PCDHGA10: variants seen among roughly 807,000 people sequenced by gnomAD.
PCDHGA10 encodes protocadherin gamma subfamily A, 10, also known as protocadherin gamma-A10.
A neutral mutation model predicts 59.5 loss-of-function variants in PCDHGA10; 42 were observed. That is an observed-to-expected ratio of 0.71 (90% CI 0.55 to 0.91). The LOEUF (loss-of-function observed/expected upper bound fraction) is 0.91. Among genes scored for constraint, PCDHGA10 ranks in the 40% least tolerant of loss-of-function variants. The pLI, the probability that PCDHGA10 is intolerant of heterozygous loss-of-function variation, is 0.00. For synonymous variants in PCDHGA10, 511 were observed against 517.2 expected, an observed-to-expected ratio of 0.99 and a Z score of 0.16; for missense variants, 1,111 against 1,198.2, an observed-to-expected ratio of 0.93 and a Z score of 1.07.
chr5:141,429,697 C>T (rs2097236349), intron 1 of PCDHGA10, among the ~76,000 whole-genome samples: 1 of 152,134 alleles, frequency 6.6e-6, no homozygotes, highest in African/African-American at 2.4e-5. Context: ...AATATCTTTA[C>T]AGTATAAATA....
intron 1 of PCDHGA10, among the ~76,000 whole-genome samples, chr5:141,463,641 C>T (rs182957065): frequency 2.0e-5 from 3 of 151,734 alleles, no homozygotes; most frequent in African/African-American, 7.2e-5. Context: ...TTAGTAGAGA[C>T]GGGGTTTCAC....
intron 3 of PCDHGA10, among the ~76,000 whole-genome samples, chr5:141,510,415 C>G (rs2099881071): frequency 6.6e-6 from 1 of 152,082 alleles, no homozygotes; most frequent in Admixed American, 6.5e-5. Flanking sequence ...GCATGTAAAG[C>G]CATGGTTTCA....
In PCDHGA10 at chr5:141,487,761, C is replaced by T. The variant is rs1331182183; in HGVS notation, c.2437-7046C>T. Reference sequence around the variant, plus strand: ...GTAAGAGGTAACTATGTGGTAGACGCTGTGCTTTGTAACTGTTTCGTGAAT... The same window carrying T: ...GTAAGAGGTAACTATGTGGTAGACGTTGTGCTTTGTAACTGTTTCGTGAAT... On this transcript the variant is annotated intron_variant, in intron 1 of 3. Coordinates refer to ENST00000398610, the MANE Select transcript of PCDHGA10 (RefSeq NM_018913.3). The surrounding 1 kb of genome is among the most constrained non-coding windows in gnomAD (Gnocchi z 5.0). 3.2e-6 allele frequency: 5 copies of T among 1,545,926 alleles called. No individual in the cohort carries two copies. Among genetic ancestry groups the T allele is most frequent in the South Asian group, 1.2e-5 (1 of 83,534 alleles).
chr5:141,418,157 A>G, intron 1 of PCDHGA10: 1 of 1,614,074 alleles, frequency 6.2e-7, no homozygotes, highest in Non-Finnish European at 8.5e-7. Context: ...CAAAGAGAGA[A>G]GAAGATGTGA....
At position 141,461,820 on chromosome 5, in the gene PCDHGA10, AT is replaced by A. The variant is rs1458631685; in HGVS notation, c.2437-32978del. Among the ~76,000 whole-genome samples the A allele has an allele frequency of 8.1e-5, 12 of 147,918 alleles. 1 individual carries two copies. In the South Asian group the frequency reaches 1.3e-3, roughly 16 times the overall value. On this transcript the variant is annotated intron_variant, in intron 1 of 3. Transcript: ENST00000398610. ...AGGTGCCCACCACCACACCCAGCTAATTTTTTTTTCTTTTTTTTTTGAGACA... is the reference window on the plus strand; with the variant it reads ...AGGTGCCCACCACCACACCCAGCTAATTTTTTTTCTTTTTTTTTTGAGACA...
intron 1 of PCDHGA10, chr5:141,422,654 C>T: frequency 1.2e-6 from 2 of 1,610,030 alleles, no homozygotes; most frequent in Non-Finnish European, 1.7e-6. Flanking sequence ...TTCTCAGTGA[C>T]CGCCCTCGAC....
intron 1 of PCDHGA10, among the ~76,000 whole-genome samples, chr5:141,467,359 A>G (rs997614051): frequency 1.3e-5 from 2 of 151,714 alleles, no homozygotes; most frequent in African/African-American, 4.8e-5. Context: ...GGCCAAATCA[A>G]CGTTTTCTTA....
intron 1 of PCDHGA10, chr5:141,427,865 G>T: frequency 6.4e-7 from 1 of 1,558,148 alleles, no homozygotes; most frequent in Non-Finnish European, 8.8e-7. Context: ...GCGCCTTCGA[G>T]CTCACGATGC....
intron 1 of PCDHGA10, among the ~76,000 whole-genome samples, chr5:141,482,884 C>A (rs2099574053): frequency 6.6e-6 from 1 of 152,116 alleles, no homozygotes; most frequent in Non-Finnish European, 1.5e-5. Flanking sequence ...CCAGCCTGGC[C>A]AACATGGTGA....
Position 141,417,741 on chromosome 5 carries a change from A to G in PCDHGA10, c.2436+2130A>G, listed in dbSNP as rs1035037382. ...CTGCGCAGACCTTGCCCAGCACACCAGATTGCCAGCTCCGAGACCCGGGAC... is the reference window on the plus strand; with the variant it reads ...CTGCGCAGACCTTGCCCAGCACACCGGATTGCCAGCTCCGAGACCCGGGAC... On this transcript the variant is annotated intron_variant, in intron 1 of 3. Coordinates refer to ENST00000398610, the MANE Select transcript of PCDHGA10 (RefSeq NM_018913.3). The G allele has an allele frequency of 1.7e-5, 24 of 1,413,756 alleles. No individual in the cohort carries two copies. The African/African-American group carries it at 1.7e-4, about 10-fold the overall frequency. The allele number at this position is 1,413,756 out of a possible 1,614,324, so 87.6% of individuals were successfully genotyped here.
intron 2 of PCDHGA10, among the ~76,000 whole-genome samples, chr5:141,498,889 C>T (rs1415870992): frequency 3.4e-5 from 5 of 146,174 alleles, no homozygotes; most frequent in African/African-American, 1.3e-4. Flanking sequence ...GCTGAGATCA[C>T]ACCACTGCAC....
At chr5:141,467,185 TG>T (rs1295935271) in intron 1 of PCDHGA10, among the ~76,000 whole-genome samples, 1 of 152,004 alleles carries the variant, frequency 6.6e-6, no homozygotes, top group African/African-American at 2.4e-5. Context: ...CCCAAGTAGC[TG>T]GGATTACAGG....
intron 1 of PCDHGA10, chr5:141,420,300 C>T (rs773892933): frequency 1.6e-5 from 24 of 1,467,248 alleles, no homozygotes; most frequent in African/African-American, 2.8e-5. Context: ...TGTATTTAAT[C>T]CTTTTTATAT....
Position 141,490,850 on chromosome 5 carries a change from G to A in PCDHGA10, c.2437-3957G>A, listed in dbSNP as rs374508743. The A allele has an allele frequency of 7.2e-5, 116 of 1,613,706 alleles. No homozygotes were observed. The highest frequency in any genetic ancestry group is 9.5e-5 in the Non-Finnish European group (112 of 1,179,902). ...ATGCTGCAGATTGTGGTGGGGGTTC[G>A]AGACTCCGGCTCTCCCCCATTGCAT... On this transcript the variant is annotated intron_variant, in intron 1 of 3. Transcript: ENST00000398610. This position sits in a 1 kb window ranked among gnomAD's most constrained non-coding sequence, Gnocchi z 5.4.
chr5:141,444,920 G>A (rs2098451595), intron 1 of PCDHGA10, among the ~76,000 whole-genome samples: 1 of 152,110 alleles, frequency 6.6e-6, no homozygotes, highest in Non-Finnish European at 1.5e-5. Context: ...ACCTTTATCA[G>A]GGAAAGAGGG....
Position 141,414,452 on chromosome 5 carries a change from T to C in PCDHGA10, c.1277T>C (p.Val426Ala), listed in dbSNP as rs767824112. 6.2e-7 allele frequency: 1 copy of C among 1,613,886 alleles called. No homozygotes were observed. ...CAGGTATCCTCTTACAATATCACAG[T>C]GACAGCCACAGATGGGGGAAGTCCT... Reference protein sequence around the residue: ...REQVSSYNITVTATDGGSPPL... With the variant: ...REQVSSYNITATATDGGSPPL... Residue 426 changes from valine (V) to alanine (A), a missense_variant, in exon 1 of 4, where the codon GTG becomes GCG. By Grantham distance (64) the Val-to-Ala change is moderately conservative. Transcript: ENST00000398610.
In PCDHGA10 at chr5:141,415,152, C is replaced by G. The variant is rs758450562; in HGVS notation, c.1977C>G (p.Ser659=). ...AGGACCACGGCCAGCCCCCTCTCTCCGCCACTGTCACGCTCACCGTGGCCG... is the reference window on the plus strand; with the variant it reads ...AGGACCACGGCCAGCCCCCTCTCTCGGCCACTGTCACGCTCACCGTGGCCG... ...AVQDHGQPPL[S]ATVTLTVAVA... is the part of the protein sequence containing the mutation. The change falls in exon 1 of 4, where the codon TCC becomes TCG. Residue 659 remains serine (S), a synonymous_variant. Transcript: ENST00000398610. The G allele has an allele frequency of 1.9e-6, 3 of 1,613,812 alleles. No individual in the cohort carries two copies. In the Admixed American group the frequency reaches 5.0e-5, roughly 27 times the overall value.
At chr5:141,438,591 C>CATATATATATATAT (rs946798767) in intron 1 of PCDHGA10, among the ~76,000 whole-genome samples, 3 of 75,556 alleles carry the variant, frequency 4.0e-5, no homozygotes, top group Non-Finnish European at 8.0e-5. Context: ...TACATACATA[C>CATATATATATATAT]ATATATATAT....
At chr5:141,501,298 C>CAG (rs2099807427) in intron 2 of PCDHGA10, among the ~76,000 whole-genome samples, 1 of 148,330 alleles carries the variant, frequency 6.7e-6, no homozygotes, top group Non-Finnish European at 1.5e-5. Context: ...TATACACACA[C>CAG]ACACACACAC....
Sources: allele counts gnomAD v4.1 joint callset (sites outside exome capture counted in the v4.1 genomes callset), GRCh38; gene constraint gnomAD v4.1.1; non-coding constraint Gnocchi (gnomAD v3.1); transcripts MANE v1.5; gene names NCBI Gene and HGNC (gene_info 2026-07-23, HGNC 2026-07-21).